Variants in BCL9L observed in about 807,000 individuals in gnomAD.
BCL9L encodes B-cell CLL/lymphoma 9-like protein.
BCL9L carries 19 observed loss-of-function variants against 99.4 expected under a neutral mutation model. That is an observed-to-expected ratio of 0.19 (90% confidence interval 0.13 to 0.28). The LOEUF (loss-of-function observed/expected upper bound fraction) is 0.28, where lower values mean the gene tolerates loss of function less well. Among genes scored for constraint, BCL9L ranks in the 10% least tolerant of loss-of-function variants. BCL9L has a pLI of 1.00. For missense variants in BCL9L, 2,023 were observed against 2,101.6 expected, an observed-to-expected ratio of 0.96 and a Z score of 0.73; for synonymous variants, 900 against 854.8, an observed-to-expected ratio of 1.05 and a Z score of -0.92.
At chr11:118,923,019 A>G (rs1038190672) in intron 1 of BCL9L, among the ~76,000 whole-genome samples, 1 of 151,892 alleles carries the variant, frequency 6.6e-6, no homozygotes, top group African/African-American at 2.4e-5. Flanking sequence ...AGCTCCTCCT[A>G]TTGGACTCCC....
In BCL9L at chr11:118,900,179, G is replaced by T. The variant is rs942514941; in HGVS notation, c.3144C>A (p.Gly1048=). ...GAGGTGCTGAGGAGCTGCTCCGGGG[G>T]CCGCTAGGCGGGAGGGTACCTACAG... ...NMEQGTLPPS[G]PRSSSSAPPA... Residue 1048 remains glycine, a synonymous_variant, in exon 9 of 10, where the codon GGC becomes GGA. Transcript: ENST00000683865. This position sits in a 1 kb window ranked among gnomAD's most constrained non-coding sequence, Gnocchi z 5.3. The T allele has an allele frequency of 6.2e-7, 1 of 1,604,292 alleles. No individual in the cohort carries two copies. Among genetic ancestry groups the T allele is most frequent in the East Asian group, 2.2e-5 (1 of 44,712 alleles).
chr11:118,923,844 T>TC (rs1252574199), intron 1 of BCL9L, among the ~76,000 whole-genome samples: 1 of 152,142 alleles, frequency 6.6e-6, no homozygotes, highest in Non-Finnish European at 1.5e-5. Context: ...GGCACCAGCC[T>TC]CCCAGTCTCT....
rs1254457687 is a variant in BCL9L, at chr11:118,919,108, C to T, written c.-130-229G>A. On this transcript the variant is annotated intron_variant, in intron 1 of 9. Coordinates refer to ENST00000683865, the MANE Select transcript of BCL9L (RefSeq NM_001378213.1). ...CCTGACCCCAGCTGCACCGCTGCCC[C>T]CCCCCCCCCGACCCCCCAACCCCCG... Among the ~76,000 whole-genome samples the T allele has an allele frequency of 3.2e-4, 6 of 18,592 alleles. 1 individual carries two copies. The highest frequency in any genetic ancestry group is 1.3e-3 in the African/African-American group (5 of 3,850). The allele number at this position is 18,592 out of a possible 152,430, so 12.2% of individuals were successfully genotyped here. A position where few individuals can be genotyped will look rare whatever the true frequency, so the allele number is the denominator to read the frequency against.
Position 118,914,947 on chromosome 11 carries a change from C to T in BCL9L, c.-77+3879G>A, listed in dbSNP as rs1485503850. Among the ~76,000 whole-genome samples the T allele has an allele frequency of 6.6e-6, 1 of 152,152 alleles. No individual in the cohort carries two copies. The highest frequency in any genetic ancestry group is 1.5e-5 in the Non-Finnish European group (1 of 68,020). ...GGTCAGGAGTTCAAGACCAGCCTGG[C>T]CATGATGGTGAAACCCTGTCTCTAC... On this transcript the variant is annotated intron_variant, in intron 2 of 9. Transcript: ENST00000683865. The surrounding 1 kb of genome is among the most constrained non-coding windows in gnomAD (Gnocchi z 4.4).
chr11:118,920,153 T>C (rs1234027206), intron 1 of BCL9L, among the ~76,000 whole-genome samples: 1 of 152,130 alleles, frequency 6.6e-6, no homozygotes, highest in East Asian at 1.9e-4. Flanking sequence ...TTGTCACAAG[T>C]GCTTCTGGAG....
In BCL9L at chr11:118,899,359, G is replaced by A. The variant is rs1477127143; in HGVS notation, c.3556C>T (p.Pro1186Ser). ...PSPTPLGSNI[P>S]LHPNAQGTGG... ...GTCCCCTGTGCGTTGGGATGCAGTG[G>A]AATGTTGGAGCCCAGAGGGGTGGGG... The change falls in exon 10 of 10, where the codon CCA becomes TCA. Residue 1186 changes from proline (P) to serine (S), a missense_variant. Transcript: ENST00000683865. 1 of 1,557,310 alleles carries A rather than the reference G, an allele frequency of 6.4e-7. No homozygotes were observed. The highest frequency in any genetic ancestry group is 8.7e-7 in the Non-Finnish European group (1 of 1,149,794).
intron 4 of BCL9L, 142 bp from the exon 5 acceptor site, chr11:118,907,744 C>T (rs746500539): frequency 9.9e-5 from 131 of 1,318,110 alleles, no homozygotes; most frequent in Non-Finnish European, 1.3e-4. Flanking sequence ...TTCGCCAGCC[C>T]GTGGCCCCCA....
intron 2 of BCL9L, chr11:118,910,302 G>C (rs375861171): frequency 7.8e-6 from 2 of 257,914 alleles, no homozygotes; most frequent in South Asian, 9.6e-5. Flanking sequence ...GTGCCGTGTG[G>C]GGCGGCTGTG....
chr11:118,924,621 G>T (rs767457306), intron 1 of BCL9L, among the ~76,000 whole-genome samples: 1 of 152,074 alleles, frequency 6.6e-6, no homozygotes, highest in Non-Finnish European at 1.5e-5. Context: ...ATTCTTCCCC[G>T]AGGGTTCCTT....
Position 118,902,846 on chromosome 11 carries a change from C to T in BCL9L, c.897G>A (p.Pro299=), listed in dbSNP as rs1257352200. The stretch of plus-strand genomic sequence containing the variant: ...GCGGCAGTGGAGGTGGCTGGGACTG[C>T]GGGGTGCCTGCTGACGGCGTGCTCA... The part of the protein sequence containing the change: ...LPLSTPSAGT[P]QSQPPPLPPP... The change falls in exon 8 of 10, where the codon CCG becomes CCA. Residue 299 remains proline, a synonymous_variant. Transcript: ENST00000683865. The surrounding 1 kb of genome is among the most constrained non-coding windows in gnomAD (Gnocchi z 7.8). 19 of 1,550,468 alleles carry T rather than the reference C, an allele frequency of 1.2e-5. No individual in the cohort carries two copies. Among genetic ancestry groups the T allele is most frequent in the Middle Eastern group, 1.7e-4 (1 of 5,820 alleles).
In BCL9L at chr11:118,902,948, C is replaced by T. The variant is rs746162692; in HGVS notation, c.835-40G>A. On this transcript the variant is annotated intron_variant, in intron 7 of 9. Coordinates refer to ENST00000683865, the MANE Select transcript of BCL9L (RefSeq NM_001378213.1). The surrounding 1 kb of genome is among the most constrained non-coding windows in gnomAD (Gnocchi z 7.8). The stretch of plus-strand genomic sequence containing the variant: ...AGAGAGCATGAGACAGGTAAGGGGA[C>T]GTTCCACCCAGTCCTGCTGCTCACA... The T allele has an allele frequency of 1.8e-5, 29 of 1,594,426 alleles. No individual in the cohort carries two copies. The highest frequency in any genetic ancestry group is 8.5e-5 in the Admixed American group (5 of 58,902).
Position 118,901,677 on chromosome 11 carries a change from A to G in BCL9L, c.2066T>C (p.Met689Thr). ...CATGCCCAGGGGGCGCTGCATGCCC[A>G]TCGACCGCTTCTCCAGCAGCTGGTG... is the stretch of plus-strand genomic sequence containing the variant. ...LRHQLLEKRS[M>T]GMQRPLGMAG... The change falls in exon 8 of 10, where the codon ATG becomes ACG. Residue 689 changes from methionine to threonine, a missense_variant. Met to Thr is a moderately conservative substitution (Grantham distance 81). Transcript: ENST00000683865. The surrounding 1 kb of genome is among the most constrained non-coding windows in gnomAD (Gnocchi z 6.6). 6.2e-7 allele frequency: 1 copy of G among 1,613,696 alleles called. No individual in the cohort carries two copies. The highest frequency in any genetic ancestry group is 8.5e-7 in the Non-Finnish European group (1 of 1,180,008).
chr11:118,921,150 G>A lies in BCL9L; in HGVS notation c.-130-2271C>T, dbSNP rs568670874. On this transcript the variant is annotated intron_variant, in intron 1 of 9. Coordinates refer to ENST00000683865, the MANE Select transcript of BCL9L (RefSeq NM_001378213.1). The surrounding 1 kb of genome is among the most constrained non-coding windows in gnomAD (Gnocchi z 5.4). ...CCCCTTCAGACCCACAGAGGCTCCC[G>A]TATTCATAGAGACAGCCTAGGGGAG... Among the ~76,000 whole-genome samples, 10 of 152,178 alleles carry A rather than the reference G, an allele frequency of 6.6e-5. No homozygotes were observed. Among genetic ancestry groups the A allele is most frequent in the Admixed American group, 2.0e-4 (3 of 15,276 alleles).
intron 2 of BCL9L, among the ~76,000 whole-genome samples, chr11:118,918,428 G>A (rs775929012): frequency 2.0e-5 from 3 of 152,148 alleles, no homozygotes; most frequent in Non-Finnish European, 4.4e-5. Context: ...GGAGGAGCAA[G>A]GACTTGGGAT....
intron 5 of BCL9L, among the ~76,000 whole-genome samples, chr11:118,906,849 C>G (rs1182354130): frequency 6.6e-6 from 1 of 152,054 alleles, no homozygotes; most frequent in African/African-American, 2.4e-5. Flanking sequence ...ATGTCTCTCT[C>G]CTCAAAAAGA....
rs1036029875 is a variant in BCL9L at position 118,914,452 on chromosome 11, T to A, written c.-77+4374A>T. ...GAGGCAGAGGCATCCTCCTGGCCCC[T>A]CACCTCCCCTGATGGCTCACACTCT... On this transcript the variant is annotated intron_variant, in intron 2 of 9. Transcript: ENST00000683865. The surrounding 1 kb of genome is among the most constrained non-coding windows in gnomAD (Gnocchi z 4.4). 2.0e-5 allele frequency among the ~76,000 whole-genome samples: 3 copies of A among 152,136 alleles called. No homozygotes were observed. The highest frequency in any genetic ancestry group is 2.0e-4 in the Admixed American group (3 of 15,278).
Position 118,902,808 on chromosome 11 carries a change from G to A in BCL9L, c.935C>T (p.Pro312Leu), listed in dbSNP as rs757833284. 296 of 1,554,618 alleles carry A rather than the reference G, an allele frequency of 1.9e-4. No individual in the cohort carries two copies. Among genetic ancestry groups the A allele is most frequent in the Admixed American group, 6.0e-4 (33 of 54,888 alleles). ...AGCAGGCGGGGCACTGCCAGGGGCC[G>A]GGGGTGGCGGCGGCGGCAGTGGAGG... ...QPPPLPPPPPPAPGSAPPALP... is the reference protein window; with the variant it reads ...QPPPLPPPPPLAPGSAPPALP... Residue 312 changes from proline to leucine, a missense_variant, in exon 8 of 10, where the codon CCG becomes CTG. Around this residue, in one of 3 missense-constraint regions of BCL9L, gnomAD observed 1,116 missense variants for 1,194.6 expected, o/e 0.93. Coordinates refer to ENST00000683865, the MANE Select transcript of BCL9L (RefSeq NM_001378213.1). The surrounding 1 kb of genome is among the most constrained non-coding windows in gnomAD (Gnocchi z 7.8).
Position 118,914,545 on chromosome 11 carries a change from C to G in BCL9L, c.-77+4281G>C, listed in dbSNP as rs962363717. On this transcript the variant is annotated intron_variant, in intron 2 of 9. Coordinates refer to ENST00000683865, the MANE Select transcript of BCL9L (RefSeq NM_001378213.1). The surrounding 1 kb of genome is among the most constrained non-coding windows in gnomAD (Gnocchi z 4.4). ...TTGACATCCAGACTGTCATGACCCT[C>G]CAGGATGCAGGGGCACGTGGGCCAG... Among the ~76,000 whole-genome samples the G allele has an allele frequency of 6.6e-6, 1 of 152,204 alleles. No individual in the cohort carries two copies. Among genetic ancestry groups the G allele is most frequent in the Non-Finnish European group, 1.5e-5 (1 of 68,038 alleles).
chr11:118,900,088 G>T lies in BCL9L; in HGVS notation c.3235C>A (p.Pro1079Thr). The change falls in exon 9 of 10, where the codon CCT (proline) becomes ACT (threonine). Residue 1079 changes from proline to threonine, a missense_variant. Physicochemically the swap from Pro to Thr is conservative, Grantham distance 38. Transcript: ENST00000683865. The surrounding 1 kb of genome is among the most constrained non-coding windows in gnomAD (Gnocchi z 5.3). ...LPFTSSPDPT[P>T]SQNPLSLMMT... ...ATCAGTGACAGGGGGTTCTGGGAAG[G>T]TGTGGGGTCTGGGGAGGAAGTGAAT... The T allele has an allele frequency of 1.2e-6, 2 of 1,614,054 alleles. No homozygotes were observed. The highest frequency in any genetic ancestry group is 1.1e-5 in the South Asian group (1 of 91,080).
Sources: gnomAD v4.1 joint callset for allele counts (sites outside exome capture counted in the v4.1 genomes callset) on GRCh38, gnomAD v4.1.1 for gene constraint, gnomAD v4.1.1 regional missense constraint, Gnocchi (gnomAD v3.1) non-coding constraint, MANE v1.5 for transcripts, NCBI Gene and HGNC (gene_info 2026-07-23, HGNC 2026-07-21) for gene names.